UGGT1: variants seen among roughly 807,000 people sequenced by gnomAD.
UGGT1 encodes the protein UDP-glucose:glycoprotein glucosyltransferase 1.
A neutral mutation model predicts 203.9 loss-of-function variants in UGGT1; 107 were observed. The ratio of observed to expected loss-of-function variants is 0.52; its 90% CI spans 0.45 to 0.62. The LOEUF is 0.62. Among genes scored for constraint, UGGT1 ranks in the 20% least tolerant of loss-of-function variants. The pLI, the probability that UGGT1 is intolerant of heterozygous loss-of-function variation, is 0.00. For missense variants in UGGT1, 1,673 were observed against 1,867.2 expected (o/e 0.90, Z 1.92); for synonymous variants, 628 against 653.5 (o/e 0.96, Z 0.59).
intron 21 of UGGT1, 104 bp from the exon 22 acceptor site, chr2:128,157,148 G>T: frequency 2.5e-6 from 2 of 806,024 alleles, no homozygotes; most frequent in South Asian, 1.6e-5. Context: ...TCTTCTTTTT[G>T]CATGGTTCTT....
In UGGT1 at chr2:128,091,228, T is replaced by C; in HGVS notation, c.-130T>C. 2 of 1,016,928 alleles carry C rather than the reference T, an allele frequency of 2.0e-6. No homozygotes were observed. The highest frequency in any genetic ancestry group is 1.7e-5 in the South Asian group (1 of 59,432). 63.0% of individuals were successfully genotyped at this position (1,016,928 alleles called of 1,614,324 possible). A position where few individuals can be genotyped will look rare whatever the true frequency, so the allele number is the denominator to read the frequency against. ...TGGGCAATTGCTTTGCGAGGCTGGG[T>C]GTTGAGTCGAGCCGCGGGAAAGGCG... On this transcript the variant is annotated 5_prime_UTR_variant, in exon 1 of 41. Transcript: ENST00000259253.
chr2:128,172,410 G>A (rs1691151148), intron 28 of UGGT1, among the ~76,000 whole-genome samples, 163 bp from the exon 29 acceptor site: 1 of 152,166 alleles, frequency 6.6e-6, no homozygotes, highest in Non-Finnish European at 1.5e-5. Context: ...CCACAAGGAG[G>A]CATCATAAGG....
rs1025391097 is a variant in UGGT1, at chr2:128,157,263, A to C, written c.2272A>C (p.Ile758Leu). 2 of 1,613,848 alleles carry C rather than the reference A, an allele frequency of 1.2e-6. No homozygotes were observed. Among genetic ancestry groups the C allele is most frequent in the Non-Finnish European group, 8.5e-7 (1 of 1,179,824 alleles). ...SSKEIYDDSF[I>L]RPVTFWIVGD... ...TTGTTTTTCTACAGATGATTCTTTT[A>C]TTAGGCCAGTAACTTTTTGGATTGT... Residue 758 changes from isoleucine (I) to leucine (L), a missense_variant, in exon 22 of 41, where the codon ATT (isoleucine) becomes CTT (leucine). Around this residue, in one of 4 missense-constraint regions of UGGT1, gnomAD observed 1,073 missense variants for 1,078.7 expected, o/e 0.99. Coordinates refer to ENST00000259253, the MANE Select transcript of UGGT1 (RefSeq NM_020120.4).
rs374981210 is a variant in UGGT1 at position 128,143,692 on chromosome 2, G to T, written c.1851+467G>T. On this transcript the variant is annotated intron_variant, in intron 17 of 40. Coordinates refer to ENST00000259253, the MANE Select transcript of UGGT1 (RefSeq NM_020120.4). ...ACTTGGCCATCTGTACTGATTAGAG[G>T]CTCTTCTGTATACAAACAGGTCATA... Among the ~76,000 whole-genome samples, 7 of 152,200 alleles carry T rather than the reference G, an allele frequency of 4.6e-5. No individual in the cohort carries two copies. In the East Asian group the frequency reaches 1.2e-3, roughly 25 times the overall value.
At chr2:128,183,214 G>A (rs746536826) in intron 37 of UGGT1, among the ~76,000 whole-genome samples, 2 of 152,324 alleles carry the variant, frequency 1.3e-5, no homozygotes, top group East Asian at 3.9e-4. Flanking sequence ...GAAGAGGAAC[G>A]TGTAGGAAGC....
intron 34 of UGGT1, among the ~76,000 whole-genome samples, chr2:128,179,552 C>G (rs1325911953): frequency 2.0e-5 from 3 of 152,198 alleles, no homozygotes; most frequent in African/African-American, 7.2e-5. Context: ...TTGCCTCTGT[C>G]AGTTAAGTGT....
chr2:128,128,590 G>A (rs1418709480), intron 12 of UGGT1, among the ~76,000 whole-genome samples: 1 of 152,194 alleles, frequency 6.6e-6, no homozygotes, highest in East Asian at 1.9e-4. Flanking sequence ...GGGATTACAG[G>A]CATGAGCCAC....
intron 3 of UGGT1, among the ~76,000 whole-genome samples, chr2:128,106,738 T>TG (rs1028301548): frequency 6.6e-6 from 1 of 152,094 alleles, no homozygotes; most frequent in Non-Finnish European, 1.5e-5. Flanking sequence ...TTAATAGAGA[T>TG]GGGGTTTCAC....
Position 128,189,913 on chromosome 2 carries a change from C to A in UGGT1, c.*171C>A. 1.5e-6 allele frequency: 1 copy of A among 649,408 alleles called. No individual in the cohort carries two copies. The highest frequency in any genetic ancestry group is 2.6e-6 in the Non-Finnish European group (1 of 390,378). The allele number at this position is 649,408 out of a possible 1,614,324, so 40.2% of individuals were successfully genotyped here. A position where few individuals can be genotyped will look rare whatever the true frequency, so the allele number is the denominator to read the frequency against. On this transcript the variant is annotated 3_prime_UTR_variant, in exon 41 of 41. Coordinates refer to ENST00000259253, the MANE Select transcript of UGGT1 (RefSeq NM_020120.4). Reference sequence around the variant, plus strand: ...TTCTGTACTCTGGTGGCCACTGGATCTTTGGGATTAAAGCTCTGTTGGATT... The same window carrying A: ...TTCTGTACTCTGGTGGCCACTGGATATTTGGGATTAAAGCTCTGTTGGATT...
At chr2:128,130,777 A>G (rs1688841378) in intron 13 of UGGT1, among the ~76,000 whole-genome samples, 1 of 151,900 alleles carries the variant, frequency 6.6e-6, no homozygotes, top group Non-Finnish European at 1.5e-5. Context: ...ATTTTCTATC[A>G]AATATATTTT....
rs1691034997 is a variant in UGGT1, at chr2:128,170,403, TGCAGGAA to T, written c.3024+15_3024+21del. ...TCCTTTGCTCTTGGTAGGAACGCTGTGCAGGAAGTGTACATCACCTTTGTTTGAAGTT... is the reference window on the plus strand; with the variant it reads ...TCCTTTGCTCTTGGTAGGAACGCTGTGTGTACATCACCTTTGTTTGAAGTT... On this transcript the variant is annotated intron_variant, in intron 27 of 40. Transcript: ENST00000259253. The T allele has an allele frequency of 6.2e-7, 1 of 1,609,382 alleles. No individual in the cohort carries two copies. Among genetic ancestry groups the T allele is most frequent in the South Asian group, 1.1e-5 (1 of 90,980 alleles).
intron 10 of UGGT1, among the ~76,000 whole-genome samples, 176 bp downstream of exon 10, chr2:128,121,474 C>T (rs181272577): frequency 7.6e-5 from 11 of 144,968 alleles, no homozygotes; most frequent in Admixed American, 1.4e-4. Context: ...GGTGCAATCT[C>T]GGCTTACCAC....
chr2:128,102,523 T>TA (rs960469466), intron 2 of UGGT1, among the ~76,000 whole-genome samples: 1 of 152,094 alleles, frequency 6.6e-6, no homozygotes, highest in African/African-American at 2.4e-5. Context: ...AAATATGCTG[T>TA]AAAAAAAGGC....
chr2:128,170,664 G>A (rs1409139568), intron 27 of UGGT1, among the ~76,000 whole-genome samples: 1 of 152,012 alleles, frequency 6.6e-6, no homozygotes, highest in African/African-American at 2.4e-5. Context: ...TGGAATTAAG[G>A]TATGCTATAT....
At position 128,176,502 on chromosome 2, in the gene UGGT1, G is replaced by A. The variant is rs1184657265; in HGVS notation, c.3540-312G>A. Reference sequence around the variant, plus strand: ...CCTGCATTCCTTTATCGAAGGCTCTGTGCTTGGCTCAGAGCTTGTGAACAC... The same window carrying A: ...CCTGCATTCCTTTATCGAAGGCTCTATGCTTGGCTCAGAGCTTGTGAACAC... On this transcript the variant is annotated intron_variant, in intron 31 of 40. Coordinates refer to ENST00000259253, the MANE Select transcript of UGGT1 (RefSeq NM_020120.4). Among the ~76,000 whole-genome samples, 4 of 151,610 alleles carry A rather than the reference G, an allele frequency of 2.6e-5. No individual in the cohort carries two copies. In the East Asian group the frequency reaches 7.8e-4, roughly 29 times the overall value.
Position 128,100,580 on chromosome 2 carries a change from ATT to A in UGGT1, c.194+3036_194+3037del, listed in dbSNP as rs1264351444. 8.2e-3 allele frequency among the ~76,000 whole-genome samples: 723 copies of A among 88,306 alleles called. 9 individuals are homozygous for A. The highest frequency in any genetic ancestry group is 0.025 in the African/African-American group (615 of 24,662). The allele number at this position is 88,306 out of a possible 152,430, so 57.9% of individuals were successfully genotyped here. On this transcript the variant is annotated intron_variant, in intron 2 of 40. Transcript: ENST00000259253. ...CACCACCAAGTCCGGCTAATTTTGT[ATT>A]TTTTTTTTTTTTTTTTTTTAGTAGC...
At chr2:128,115,353 G>C (rs1489584999) in intron 7 of UGGT1, 133 bp downstream of exon 7, 18 of 724,794 alleles carry the variant, frequency 2.5e-5, no homozygotes, top group Non-Finnish European at 3.9e-5. Flanking sequence ...TTACACCTGA[G>C]TGGGTGACCC....
chr2:128,155,111 C>G lies in UGGT1; in HGVS notation c.2138-378C>G, dbSNP rs138822013. 5.3e-3 allele frequency among the ~76,000 whole-genome samples: 803 copies of G among 152,250 alleles called. 5 individuals carry two copies. The highest frequency in any genetic ancestry group is 7.2e-3 in the Non-Finnish European group (491 of 68,020). On this transcript the variant is annotated intron_variant, in intron 19 of 40. Transcript: ENST00000259253. Reference sequence around the variant, plus strand: ...GTATTTTCTCTTTTACCCCTGCTTCCTCTGTAGGAACAGGAAGAGCTTACT... The same window carrying G: ...GTATTTTCTCTTTTACCCCTGCTTCGTCTGTAGGAACAGGAAGAGCTTACT...
At position 128,154,660 on chromosome 2, in the gene UGGT1, G is replaced by T. The variant is rs558582856; in HGVS notation, c.2138-829G>T. On this transcript the variant is annotated intron_variant, in intron 19 of 40. Coordinates refer to ENST00000259253, the MANE Select transcript of UGGT1 (RefSeq NM_020120.4). Reference sequence around the variant, plus strand: ...TGACTTATTTTCTACGGTTTTCCTGGATAGTATTCTATGGATAGTAGGTGT... The same window carrying T: ...TGACTTATTTTCTACGGTTTTCCTGTATAGTATTCTATGGATAGTAGGTGT... Among the ~76,000 whole-genome samples the T allele has an allele frequency of 5.1e-4, 77 of 152,300 alleles. 1 individual carries two copies. The highest frequency in any genetic ancestry group is 9.0e-4 in the Non-Finnish European group (61 of 68,024).
Sources: allele counts gnomAD v4.1 joint callset (sites outside exome capture counted in the v4.1 genomes callset), GRCh38; gene constraint gnomAD v4.1.1; regional missense constraint gnomAD v4.1.1; transcripts MANE v1.5; gene names NCBI Gene and HGNC (gene_info 2026-07-23, HGNC 2026-07-21).